DYNLT2B: variants seen among roughly 807,000 people sequenced by gnomAD.
DYNLT2B encodes the protein dynein light chain Tctex-type protein 2B.
In DYNLT2B, 14 loss-of-function variants were observed where a neutral mutation model predicts 19.5. That is an observed-to-expected ratio of 0.72 (90% CI 0.47 to 1.12). The LOEUF (loss-of-function observed/expected upper bound fraction) is 1.12. Ranked by LOEUF, DYNLT2B falls within the 50% of genes most tolerant of loss-of-function variation. The pLI is 0.00. For missense variants in DYNLT2B, 133 were observed against 174.7 expected (o/e 0.76, Z 1.35); for synonymous variants, 70 against 59.7 (o/e 1.17, Z -0.79).
chr3:196,314,572 C>T (rs761983950), intron 2 of DYNLT2B, among the ~76,000 whole-genome samples: 3 of 151,768 alleles, frequency 2.0e-5, no homozygotes, highest in Admixed American at 6.6e-5. Flanking sequence ...CAGCAGTTTG[C>T]GAGGCCTAGG....
chr3:196,318,128 A>G lies in DYNLT2B; in HGVS notation c.25T>C (p.Phe9Leu). ...TCAGGCACCCCGTCGCCCACCGAGA[A>G]GGACACTCCGATGGACGTGGCCATG... MATSIGVS[F>L]SVGDGVPEAE... Residue 9 changes from phenylalanine to leucine, a missense_variant, in exon 1 of 5, where the codon TTC (phenylalanine) becomes CTC (leucine). By Grantham distance (22) the Phe-to-Leu change is conservative. Transcript: ENST00000325318. 1 of 1,550,118 alleles carries G rather than the reference A, an allele frequency of 6.5e-7. No homozygotes were observed. Among genetic ancestry groups the G allele is most frequent in the Non-Finnish European group, 8.7e-7 (1 of 1,154,944 alleles).
intron 4 of DYNLT2B, among the ~76,000 whole-genome samples, chr3:196,295,661 T>C (rs1340775563): frequency 5.9e-5 from 9 of 152,234 alleles, no homozygotes; most frequent in African/African-American, 2.2e-4. Context: ...TTATAAATTA[T>C]TACTTTAATA....
chr3:196,294,154 C>T (rs968277254), intron 4 of DYNLT2B, among the ~76,000 whole-genome samples: 1 of 151,940 alleles, frequency 6.6e-6, no homozygotes, highest in Non-Finnish European at 1.5e-5. Context: ...GAGCTCCAGA[C>T]CAACCTAACC....
chr3:196,296,246 G>A (rs1240556093), intron 3 of DYNLT2B, 177 bp from the exon 4 acceptor site: 5 of 554,056 alleles, frequency 9.0e-6, no homozygotes, highest in African/African-American at 3.8e-5. Flanking sequence ...TGGGTAAACC[G>A]GAGAAACTAG....
intron 1 of DYNLT2B, among the ~76,000 whole-genome samples, chr3:196,317,021 AGTGTGT>A (rs113141859): frequency 3.0e-4 from 14 of 45,948 alleles, no homozygotes; most frequent in Admixed American, 1.1e-3. Flanking sequence ...CATTTTTTTC[AGTGTGT>A]GTGTGTGTGT....
At chr3:196,311,282 G>A (rs1726635258) in intron 2 of DYNLT2B, among the ~76,000 whole-genome samples, 1 of 152,044 alleles carries the variant, frequency 6.6e-6, no homozygotes, top group South Asian at 2.1e-4. Context: ...GGGTGTGGTG[G>A]CAGGCGCCTG....
chr3:196,291,633 C>A (rs943060985), intron 4 of DYNLT2B, among the ~76,000 whole-genome samples: 1 of 152,174 alleles, frequency 6.6e-6, no homozygotes, highest in African/African-American at 2.4e-5. Context: ...TGCCTGCCAC[C>A]ATACCAGGCT....
At chr3:196,309,274 C>CT (rs1560191058) in intron 2 of DYNLT2B, among the ~76,000 whole-genome samples, 1 of 151,618 alleles carries the variant, frequency 6.6e-6, no homozygotes, top group Non-Finnish European at 1.5e-5. Flanking sequence ...TTCTTTTTTT[C>CT]TTTTTTTTGA....
chr3:196,292,487 T>C (rs970494489), intron 4 of DYNLT2B: 2 of 152,176 alleles, frequency 1.3e-5, no homozygotes, highest in African/African-American at 4.8e-5. Context: ...GAAGGATGCT[T>C]TTGTAAAATG....
intron 1 of DYNLT2B, 54 bp downstream of exon 1, chr3:196,317,986 C>T (rs1726930562): frequency 3.5e-6 from 4 of 1,137,604 alleles, no homozygotes; most frequent in Middle Eastern, 2.2e-4. Flanking sequence ...GCGAGCTCCG[C>T]CCCTCAGACC....
chr3:196,306,917 A>C, intron 3 of DYNLT2B, 26 bp downstream of exon 3: 1 of 1,602,100 alleles, frequency 6.2e-7, no homozygotes, highest in Non-Finnish European at 8.6e-7. Flanking sequence ...GATGACTAAA[A>C]CAAGAAGGAA....
At chr3:196,316,428 C>T (rs1726795135) in intron 1 of DYNLT2B, among the ~76,000 whole-genome samples, 197 bp from the exon 2 acceptor site, 1 of 152,124 alleles carries the variant, frequency 6.6e-6, no homozygotes, top group Non-Finnish European at 1.5e-5. Flanking sequence ...CACTGAACTT[C>T]AACACATTCC....
At chr3:196,308,839 G>A (rs1312648876) in intron 2 of DYNLT2B, among the ~76,000 whole-genome samples, 1 of 151,900 alleles carries the variant, frequency 6.6e-6, no homozygotes, top group Non-Finnish European at 1.5e-5. Context: ...AATGTGTCTA[G>A]AATAATACTC....
intron 2 of DYNLT2B, among the ~76,000 whole-genome samples, chr3:196,311,538 G>A (rs999404042): frequency 6.6e-6 from 1 of 152,056 alleles, no homozygotes; most frequent in African/African-American, 2.4e-5. Context: ...CATATTCAGA[G>A]ATATAAGGAA....
chr3:196,305,329 C>A (rs933220156), intron 3 of DYNLT2B, among the ~76,000 whole-genome samples: 4 of 152,122 alleles, frequency 2.6e-5, no homozygotes, highest in Non-Finnish European at 1.5e-5. Flanking sequence ...ATTTCCCCAA[C>A]CTCAAACCTA....
intron 3 of DYNLT2B, among the ~76,000 whole-genome samples, chr3:196,306,580 A>C (rs1201482901): frequency 2.0e-5 from 3 of 152,038 alleles, no homozygotes; most frequent in African/African-American, 7.2e-5. Context: ...ACAGAGTCTT[A>C]CTCTGTCACC....
At chr3:196,313,663 G>A (rs1187865293) in intron 2 of DYNLT2B, among the ~76,000 whole-genome samples, 2 of 152,136 alleles carry the variant, frequency 1.3e-5, no homozygotes, top group Non-Finnish European at 2.9e-5. Flanking sequence ...ACTAACAGCA[G>A]TTAATTCTGG....
At chr3:196,293,854 AGGAT>A (rs1430535309) in intron 4 of DYNLT2B, among the ~76,000 whole-genome samples, 3 of 150,180 alleles carry the variant, frequency 2.0e-5, no homozygotes, top group African/African-American at 7.3e-5. Flanking sequence ...CATGTTGGCC[AGGAT>A]GGTCTCAATC....
intron 3 of DYNLT2B, among the ~76,000 whole-genome samples, chr3:196,300,481 G>T (rs1726322998): frequency 6.6e-6 from 1 of 152,130 alleles, no homozygotes; most frequent in Non-Finnish European, 1.5e-5. Context: ...CATAATCCCA[G>T]CAGTTTGGGA....
Sources: gnomAD v4.1 joint callset for allele counts (sites outside exome capture counted in the v4.1 genomes callset) on GRCh38, gnomAD v4.1.1 for gene constraint, MANE v1.5 for transcripts, NCBI Gene and HGNC (gene_info 2026-07-23, HGNC 2026-07-21) for gene names.